The following NDUFS2 variants were observed in gnomAD, a reference collection of about 807,000 sequenced individuals.
NDUFS2 encodes the protein NADH dehydrogenase [ubiquinone] iron-sulfur protein 2, mitochondrial.
In NDUFS2, 38 loss-of-function variants were observed where a neutral mutation model predicts 69.6. The observed-to-expected ratio is 0.55, with a 90% CI of 0.42 to 0.72. The LOEUF is 0.72. NDUFS2 is among the 30% of genes least tolerant of loss of function. NDUFS2 has a pLI of 0.00. For synonymous variants in NDUFS2, 194 were observed against 211.2 expected (o/e 0.92, Z 0.70); for missense variants, 468 against 595.0 (o/e 0.79, Z 2.22).
intron 1 of NDUFS2, among the ~76,000 whole-genome samples, 170 bp downstream of exon 1, chr1:161,202,650 A>G (rs1665206153): frequency 6.6e-6 from 1 of 151,982 alleles, no homozygotes. Flanking sequence ...GGGAGGGGAG[A>G]GGGTCTAGAG....
In NDUFS2 at chr1:161,214,089, T is replaced by G. The variant is rs535359197; in HGVS notation, c.1355-67T>G. On this transcript the variant is annotated intron_variant, in intron 13 of 13. Transcript: ENST00000676972. ...CTGGATCTTGGGTAACACCACTTTT[T>G]TTGTTTGTTTTGCCTCACAACAGGA... The G allele has an allele frequency of 4.3e-6, 7 of 1,613,836 alleles. No homozygotes were observed. In the African/African-American group the frequency reaches 9.3e-5, roughly 22 times the overall value.
chr1:161,201,780 C>CA (rs1490722906), upstream of NDUFS2, among the ~76,000 whole-genome samples: 1 of 152,198 alleles, frequency 6.6e-6, no homozygotes, highest in Admixed American at 6.5e-5. Flanking sequence ...TCCGCACCAC[C>CA]AATGCCGGCG....
intron 1 of NDUFS2, 96 bp downstream of exon 1, chr1:161,202,576 T>C (rs1282366150): frequency 2.4e-6 from 3 of 1,244,994 alleles, no homozygotes; most frequent in Middle Eastern, 1.9e-4. Context: ...AACCCAAGCC[T>C]GTGACCCCAT....
chr1:161,209,342 C>A, intron 4 of NDUFS2, 29 bp downstream of exon 4: 1 of 1,614,078 alleles, frequency 6.2e-7, no homozygotes, highest in Non-Finnish European at 8.5e-7. Context: ...TTCTGTGGCC[C>A]ACTGTGAGCA....
At position 161,213,924 on chromosome 1, in the gene NDUFS2, A is replaced by G. The variant is rs781495930; in HGVS notation, c.1354+3A>G. The G allele has an allele frequency of 1.2e-6, 2 of 1,614,198 alleles. No homozygotes were observed. Among genetic ancestry groups the G allele is most frequent in the Non-Finnish European group, 8.5e-7 (1 of 1,180,032 alleles). On this transcript the variant is annotated splice_donor_region_variant and intron_variant, in intron 13 of 13. Transcript: ENST00000676972. ...GGCAGATGTCGTTGCCATCATAGGT[A>G]CGAGGCCTATTGTGTAGTAGAGGTA...
Position 161,214,233 on chromosome 1 carries a change from C to A in NDUFS2, c.*40C>A. 6.4e-7 allele frequency: 1 copy of A among 1,574,548 alleles called. No individual in the cohort carries two copies. The highest frequency in any genetic ancestry group is 8.7e-7 in the Non-Finnish European group (1 of 1,145,344). ...TTTGATCCCCCCTGCCTATCAGCTTCTTCTGTGGAGCCTGTTCCTCACTGG... is the reference window on the plus strand; with the variant it reads ...TTTGATCCCCCCTGCCTATCAGCTTATTCTGTGGAGCCTGTTCCTCACTGG... On this transcript the variant is annotated 3_prime_UTR_variant, in exon 14 of 14. Coordinates refer to ENST00000676972, the MANE Select transcript of NDUFS2 (RefSeq NM_001377299.1).
chr1:161,203,801 T>C (rs1665308014), intron 2 of NDUFS2: 2 of 471,294 alleles, frequency 4.2e-6, no homozygotes, highest in Non-Finnish European at 7.8e-6. Context: ...AGAGTCTTGC[T>C]ATGTTGACCA....
intron 2 of NDUFS2, among the ~76,000 whole-genome samples, chr1:161,205,097 C>G (rs1033812982): frequency 6.6e-6 from 1 of 151,792 alleles, no homozygotes; most frequent in African/African-American, 2.4e-5. Flanking sequence ...GTACTCGGGT[C>G]TGTCAGACTC....
chr1:161,198,216 A>G (rs1204212139), upstream of NDUFS2: 1 of 1,613,822 alleles, frequency 6.2e-7, no homozygotes, highest in Admixed American at 1.7e-5. This position sits in a 1 kb window ranked among gnomAD's most constrained non-coding sequence, Gnocchi z 4.7. Context: ...GATGCCACCG[A>G]CTCCGGATCT....
At chr1:161,200,528 C>T (rs1181974443), upstream of NDUFS2, among the ~76,000 whole-genome samples, 2 of 152,072 alleles carry the variant, frequency 1.3e-5, no homozygotes, top group Non-Finnish European at 2.9e-5. Context: ...ACCTCCTGTC[C>T]CCCGCATATC....
At position 161,213,397 on chromosome 1, in the gene NDUFS2, G is replaced by T; in HGVS notation, c.1134G>T (p.Leu378=). Residue 378 remains leucine, a synonymous_variant, in exon 11 of 14, where the codon CTG becomes CTT. Coordinates refer to ENST00000676972, the MANE Select transcript of NDUFS2 (RefSeq NM_001377299.1). ...RAEMKTSMES[L]IHHFKLYTEG... Reference sequence around the variant, plus strand: ...CTCTTCAGACTTCCATGGAGTCACTGATTCATCACTTTAAGTTGTATACTG... The same window carrying T: ...CTCTTCAGACTTCCATGGAGTCACTTATTCATCACTTTAAGTTGTATACTG... 6.2e-7 allele frequency: 1 copy of T among 1,610,124 alleles called. No individual in the cohort carries two copies. The highest frequency in any genetic ancestry group is 1.1e-5 in the South Asian group (1 of 90,394).
chr1:161,210,284 C>T lies in NDUFS2; in HGVS notation c.781-20C>T. 3.7e-6 allele frequency: 6 copies of T among 1,611,704 alleles called. No homozygotes were observed. Among genetic ancestry groups the T allele is most frequent in the Non-Finnish European group, 5.1e-6 (6 of 1,177,960 alleles). On this transcript the variant is annotated intron_variant, in intron 7 of 13. Transcript: ENST00000676972. ...GAGTGTGAGGAAGAGTATTAACACA[C>T]CAGTTTTCTTGATCAATAGTTGCTG... is the stretch of plus-strand genomic sequence containing the variant.
At chr1:161,204,413 A>T (rs925665421) in intron 2 of NDUFS2, among the ~76,000 whole-genome samples, 14 of 152,190 alleles carry the variant, frequency 9.2e-5, no homozygotes, top group Non-Finnish European at 1.6e-4. Context: ...ATATCTGGTC[A>T]TCTCTCCCTT....
intron 1 of NDUFS2, among the ~76,000 whole-genome samples, chr1:161,203,078 G>A (rs138757419): frequency 2.0e-5 from 3 of 152,178 alleles, no homozygotes; most frequent in African/African-American, 4.8e-5. Flanking sequence ...AGGCCTAGGC[G>A]GGCAGATCAT....
Position 161,209,548 on chromosome 1 carries a change from C to T in NDUFS2, c.580C>T (p.Leu194Phe). 1 of 1,613,504 alleles carries T rather than the reference C, an allele frequency of 6.2e-7. No homozygotes were observed. Among genetic ancestry groups the T allele is most frequent in the Non-Finnish European group, 8.5e-7 (1 of 1,180,002 alleles). Residue 194 changes from leucine (L) to phenylalanine (F), a missense_variant, in exon 5 of 14, where the codon CTT becomes TTT. Around this residue, in one of 3 missense-constraint regions of NDUFS2, gnomAD observed 339 missense variants for 433.8 expected, o/e 0.78. Coordinates refer to ENST00000676972, the MANE Select transcript of NDUFS2 (RefSeq NM_001377299.1). Reference sequence around the variant, plus strand: ...GGCTGTGACCACACATGCCCTGGACCTTGGGGCCATGACCCCTTTCTTCTG... The same window carrying T: ...GGCTGTGACCACACATGCCCTGGACTTTGGGGCCATGACCCCTTTCTTCTG... ...IMAVTTHALD[L>F]GAMTPFFWLF...
At chr1:161,199,818 G>A (rs527271987), upstream of NDUFS2, among the ~76,000 whole-genome samples, 8 of 151,002 alleles carry the variant, frequency 5.3e-5, no homozygotes, top group Non-Finnish European at 7.4e-5. Flanking sequence ...CCCTTCCTGA[G>A]TTACCACTAC....
chr1:161,210,792 C>A (rs1221187298), intron 9 of NDUFS2, 82 bp downstream of exon 9: 1 of 1,599,980 alleles, frequency 6.3e-7, no homozygotes, highest in Admixed American at 1.7e-5. Context: ...CCTTCTTTAC[C>A]CTACTTCTCA....
upstream of NDUFS2, chr1:161,201,936 T>C (rs1435941002): frequency 4.8e-6 from 1 of 207,736 alleles, no homozygotes; most frequent in Non-Finnish European, 1.0e-5. Context: ...GATTCAGTGA[T>C]GGGAAAGTAA....
rs1263670919 is a variant in NDUFS2 at position 161,214,316 on chromosome 1, TG to T, written c.*125del. Reference sequence around the variant, plus strand: ...GTGTGTGTGTATGTTCATGTACACTTGGCTGTCAGGCTTTCTGTGCATGTAC... The same window carrying T: ...GTGTGTGTGTATGTTCATGTACACTTGCTGTCAGGCTTTCTGTGCATGTAC... On this transcript the variant is annotated 3_prime_UTR_variant, in exon 14 of 14. Transcript: ENST00000676972. 46 of 946,794 alleles carry T rather than the reference TG, an allele frequency of 4.9e-5. No individual in the cohort carries two copies. The African/African-American group carries it at 6.3e-4, about 13-fold the overall frequency. The allele number at this position is 946,794 out of a possible 1,614,324, so 58.6% of individuals were successfully genotyped here.
Sources: allele counts gnomAD v4.1 joint callset (sites outside exome capture counted in the v4.1 genomes callset), GRCh38; gene constraint gnomAD v4.1.1; regional missense constraint gnomAD v4.1.1; non-coding constraint Gnocchi (gnomAD v3.1); transcripts MANE v1.5; gene names NCBI Gene and HGNC (gene_info 2026-07-23, HGNC 2026-07-21).